The following MZT2B variants were observed in gnomAD, a reference collection of about 807,000 sequenced individuals.
The protein encoded by MZT2B is mitotic spindle organizing protein 2B, also known as mitotic-spindle organizing protein 2B.
In MZT2B, 11 loss-of-function variants were observed where a neutral mutation model predicts 12.1. The observed-to-expected ratio is 0.91, with a 90% CI of 0.57 to 1.50. MZT2B has a LOEUF of 1.50. Among genes scored for constraint, MZT2B ranks in the 40% most tolerant of loss-of-function variants. The pLI, the probability that MZT2B is intolerant of heterozygous loss-of-function variation, is 0.00. For missense variants in MZT2B, 209 were observed against 227.7 expected, an observed-to-expected ratio of 0.92 and a Z score of 0.53; for synonymous variants, 85 against 109.5, an observed-to-expected ratio of 0.78 and a Z score of 1.40.
chr2:130,188,930 A>T lies in MZT2B; in HGVS notation c.320-1539A>T, dbSNP rs1024303498. Among the ~76,000 whole-genome samples the T allele has an allele frequency of 5.6e-3, 853 of 151,826 alleles. 5 individuals carry two copies. Among genetic ancestry groups the T allele is most frequent in the African/African-American group, 0.019 (776 of 41,254 alleles). ...CTTTTCTCCAGGAATCCAGTTTCCC[A>T]TTGCAGGGTATTTGACTACACTTGA... On this transcript the variant is annotated intron_variant, in intron 2 of 2. Coordinates refer to ENST00000281871, the MANE Select transcript of MZT2B (RefSeq NM_025029.5).
downstream of MZT2B, among the ~76,000 whole-genome samples, chr2:130,191,496 C>T (rs1254127224): frequency 6.6e-6 from 1 of 152,210 alleles, no homozygotes; most frequent in Non-Finnish European, 1.5e-5. Flanking sequence ...CCCGAAAAAT[C>T]ACAAATTCAG....
At chr2:130,183,434 C>G in intron 2 of MZT2B, 1 of 409,748 alleles carries the variant, frequency 2.4e-6, no homozygotes, top group East Asian at 5.6e-5. Flanking sequence ...TCCTCCCTCT[C>G]CAGTGTGGTG....
upstream of MZT2B, chr2:130,181,709 G>GGGAAGAGAAATGGCGA: frequency 6.5e-7 from 1 of 1,548,466 alleles, no homozygotes; most frequent in South Asian, 1.2e-5. Flanking sequence ...CGGCCGGGCG[G>GGGAAGAGAAATGGCGA]GGAAGAGAAA....
At chr2:130,204,700 A>G in the MZT2B span, among the ~76,000 whole-genome samples, 74 of 117,992 alleles carry the variant, frequency 6.3e-4, no homozygotes, top group African/African-American at 2.1e-3. Flanking sequence ...TCAAAAAAAA[A>G]AAAAGGGGGG....
chr2:130,185,091 C>T (rs1434356202), intron 2 of MZT2B, among the ~76,000 whole-genome samples: 14 of 152,046 alleles, frequency 9.2e-5, no homozygotes, highest in African/African-American at 3.1e-4. Context: ...GGGCGGATCT[C>T]GAGGTCAGGA....
chr2:130,190,673 T>A lies in MZT2B; in HGVS notation c.*47T>A. The stretch of plus-strand genomic sequence containing the variant: ...ATCTTTGTCCCCAGCAAAGGCTACA[T>A]GTTACCTCCTTCAATTGATAATAAA... On this transcript the variant is annotated 3_prime_UTR_variant, in exon 3 of 3. Coordinates refer to ENST00000281871, the MANE Select transcript of MZT2B (RefSeq NM_025029.5). 6.4e-7 allele frequency: 1 copy of A among 1,569,244 alleles called. No homozygotes were observed. Among genetic ancestry groups the A allele is most frequent in the Non-Finnish European group, 8.7e-7 (1 of 1,151,560 alleles).
the MZT2B span, among the ~76,000 whole-genome samples, chr2:130,204,703 A>AG: frequency 9.3e-5 from 5 of 53,710 alleles, no homozygotes; most frequent in Non-Finnish European, 1.7e-4. Flanking sequence ...AAAAAAAAAA[A>AG]AGGGGGGGTG....
intron 2 of MZT2B, among the ~76,000 whole-genome samples, chr2:130,187,300 C>G (rs1413517719): frequency 6.6e-6 from 1 of 152,256 alleles, no homozygotes; most frequent in African/African-American, 2.4e-5. Context: ...AGACAATCCT[C>G]CCACCTCCTC....
the MZT2B span, among the ~76,000 whole-genome samples, chr2:130,196,608 A>G: frequency 2.6e-5 from 4 of 152,232 alleles, no homozygotes; most frequent in African/African-American, 9.6e-5. Context: ...GCCACTACAC[A>G]AAACTTAGGT....
downstream of MZT2B, chr2:130,194,566 T>C (rs1690358752): frequency 6.3e-6 from 8 of 1,263,042 alleles, no homozygotes; most frequent in South Asian, 1.6e-5. Flanking sequence ...AGAGTTGATA[T>C]GGATTCAAAT....
At chr2:130,187,968 C>T (rs952016979) in intron 2 of MZT2B, among the ~76,000 whole-genome samples, 6 of 151,666 alleles carry the variant, frequency 4.0e-5, no homozygotes, top group African/African-American at 1.5e-4. Context: ...CCCTCCAGGC[C>T]GTGAGTTTGG....
downstream of MZT2B, chr2:130,191,704 G>A (rs1690262308): frequency 1.3e-6 from 2 of 1,483,868 alleles, no homozygotes; most frequent in Non-Finnish European, 9.0e-7. Context: ...GGTCCCACCA[G>A]CTCCTGTAGG....
At chr2:130,193,023 G>A (rs1690304671), downstream of MZT2B, among the ~76,000 whole-genome samples, 1 of 151,818 alleles carries the variant, frequency 6.6e-6, no homozygotes, top group Non-Finnish European at 1.5e-5. Context: ...AACCCGGGAG[G>A]TGGAGGTTGC....
At chr2:130,192,957 G>T (rs1445563768), downstream of MZT2B, among the ~76,000 whole-genome samples, 1 of 152,182 alleles carries the variant, frequency 6.6e-6, no homozygotes, top group Non-Finnish European at 1.5e-5. Context: ...AGCCAGGCGT[G>T]GTGGCAGGTG....
At chr2:130,191,114 T>C (rs894691519), downstream of MZT2B, among the ~76,000 whole-genome samples, 23 of 152,076 alleles carry the variant, frequency 1.5e-4, no homozygotes, top group Admixed American at 1.5e-3. Context: ...CACGCCCGGC[T>C]AATTTTGTTG....
At chr2:130,190,749 T>TTC (rs1558781123), downstream of MZT2B, 1 of 1,400,100 alleles carries the variant, frequency 7.1e-7, no homozygotes, top group Non-Finnish European at 9.3e-7. Context: ...CCGTTTTTTT[T>TTC]TTTTGTTTTT....
chr2:130,183,591 G>C (rs563865519), intron 2 of MZT2B: 1 of 878,714 alleles, frequency 1.1e-6, no homozygotes, highest in African/African-American at 1.7e-5. Flanking sequence ...CCCAGAGCTG[G>C]CTCCCTGCCT....
chr2:130,187,063 A>G (rs1344366568), intron 2 of MZT2B, among the ~76,000 whole-genome samples: 1 of 151,016 alleles, frequency 6.6e-6, no homozygotes, highest in African/African-American at 2.4e-5. Flanking sequence ...TCTACAAAGA[A>G]ACAAGAAAAA....
At chr2:130,191,782 A>G (rs1363117882), downstream of MZT2B, 4 of 1,575,676 alleles carry the variant, frequency 2.5e-6, no homozygotes, top group South Asian at 1.2e-5. Context: ...AAACAACTTG[A>G]AAGCAGCCAT....
Sources: gnomAD v4.1 joint callset for allele counts (sites outside exome capture counted in the v4.1 genomes callset) on GRCh38, gnomAD v4.1.1 for gene constraint, MANE v1.5 for transcripts, NCBI Gene and HGNC (gene_info 2026-07-23, HGNC 2026-07-21) for gene names.